The following SYT1 variants were observed in gnomAD, a reference collection of about 807,000 sequenced individuals.
The protein encoded by SYT1 is synaptotagmin 1, also known as synaptotagmin-1.
In SYT1, 8 loss-of-function variants were observed where a neutral mutation model predicts 44.8. The observed-to-expected ratio is 0.18, with a 90% CI of 0.10 to 0.32. The LOEUF (loss-of-function observed/expected upper bound fraction) is 0.32. SYT1 is among the 10% of genes least tolerant of loss of function. The pLI is 1.00. For synonymous variants in SYT1, 154 were observed against 188.8 expected (o/e 0.82, Z 1.51); for missense variants, 286 against 509.3 (o/e 0.56, Z 4.22).
intron 3 of SYT1, among the ~76,000 whole-genome samples, chr12:79,172,383 G>A (rs929760394): frequency 6.6e-6 from 1 of 151,924 alleles, no homozygotes; most frequent in African/African-American, 2.4e-5. Flanking sequence ...CATTTACTGG[G>A]ACACAGAGTA....
intron 2 of SYT1, among the ~76,000 whole-genome samples, chr12:78,990,188 C>A (rs1343237480): frequency 6.6e-6 from 1 of 152,120 alleles, no homozygotes; most frequent in Non-Finnish European, 1.5e-5. Flanking sequence ...CATTCACCAG[C>A]AGCCTCTGTG....
chr12:79,420,123 C>T (rs1869013040), intron 9 of SYT1, among the ~76,000 whole-genome samples: 1 of 152,098 alleles, frequency 6.6e-6, no homozygotes, highest in African/African-American at 2.4e-5. Flanking sequence ...GACAATACAA[C>T]ATAGCTCCTT....
In SYT1 at chr12:79,236,536, T is replaced by G. The variant is rs555567558; in HGVS notation, c.166+18851T>G. The stretch of plus-strand genomic sequence containing the variant: ...TCAAATGCTAGCTCTTCTATAAAGC[T>G]CCTGCTGAATACCAGTATTACTCAT... On this transcript the variant is annotated intron_variant, in intron 4 of 10. Coordinates refer to ENST00000261205, the MANE Select transcript of SYT1 (RefSeq NM_005639.3). Among the ~76,000 whole-genome samples, 21 of 152,328 alleles carry G rather than the reference T, an allele frequency of 1.4e-4. 1 individual carries two copies. The East Asian group carries it at 4.0e-3, about 29-fold the overall frequency.
intron 3 of SYT1, among the ~76,000 whole-genome samples, chr12:79,133,355 G>T (rs1868976468): frequency 6.6e-6 from 1 of 152,096 alleles, no homozygotes. Context: ...CTGCACTCCA[G>T]CCTGGGTGTC....
intron 9 of SYT1, among the ~76,000 whole-genome samples, chr12:79,365,138 C>A (rs1883487000): frequency 6.6e-6 from 1 of 152,052 alleles, no homozygotes; most frequent in Non-Finnish European, 1.5e-5. Flanking sequence ...TTTGAAATTT[C>A]ATATCCTTCC....
intron 2 of SYT1, among the ~76,000 whole-genome samples, chr12:79,007,185 G>A (rs1031712277): frequency 1.5e-4 from 23 of 151,990 alleles, no homozygotes; most frequent in Non-Finnish European, 8.8e-5. Context: ...TTATGTGAGG[G>A]GAAATTATAT....
intron 8 of SYT1, among the ~76,000 whole-genome samples, chr12:79,301,185 G>A (rs925164899): frequency 1.3e-5 from 2 of 152,146 alleles, no homozygotes; most frequent in Non-Finnish European, 2.9e-5. Flanking sequence ...TGGTTGGCTT[G>A]TTGGTTGAAT....
chr12:79,425,199 C>T (rs1869378317), intron 9 of SYT1, among the ~76,000 whole-genome samples: 1 of 152,084 alleles, frequency 6.6e-6, no homozygotes, highest in South Asian at 2.1e-4. Context: ...CTTCCACCCA[C>T]TGTCACTTCT....
chr12:79,144,453 G>T (rs531425363), intron 3 of SYT1, among the ~76,000 whole-genome samples: 7 of 152,294 alleles, frequency 4.6e-5, no homozygotes, highest in Admixed American at 2.0e-4. Context: ...GCCCACATTG[G>T]GATAAGGGAA....
chr12:79,350,086 G>T (rs1170207041), intron 8 of SYT1, among the ~76,000 whole-genome samples: 2 of 151,976 alleles, frequency 1.3e-5, no homozygotes. Context: ...ATCTGATTCA[G>T]GGTAACAACA....
At chr12:79,333,392 C>G (rs1881946024) in intron 8 of SYT1, among the ~76,000 whole-genome samples, 1 of 152,186 alleles carries the variant, frequency 6.6e-6, no homozygotes, top group Admixed American at 6.5e-5. Flanking sequence ...ATTGGCCTCA[C>G]CTCCTAATAC....
chr12:79,400,721 G>A (rs891122205), intron 9 of SYT1, among the ~76,000 whole-genome samples: 1 of 152,166 alleles, frequency 6.6e-6, no homozygotes, highest in Non-Finnish European at 1.5e-5. Flanking sequence ...TTAGACTGAG[G>A]GCACATTGCT....
At chr12:79,088,793 T>A (rs1176132969) in intron 3 of SYT1, among the ~76,000 whole-genome samples, 6 of 150,340 alleles carry the variant, frequency 4.0e-5, no homozygotes, top group Admixed American at 2.7e-4. Context: ...TGTGTGTGTG[T>A]GAGGGGGCAG....
At chr12:79,291,763 T>G (rs944043435) in intron 5 of SYT1, 4 of 592,908 alleles carry the variant, frequency 6.7e-6, no homozygotes, top group Admixed American at 6.4e-5. Flanking sequence ...CATTTTTTGC[T>G]TGCAATATTC....
intron 7 of SYT1, among the ~76,000 whole-genome samples, chr12:79,297,350 A>G (rs1192460943): frequency 6.6e-6 from 1 of 152,180 alleles, no homozygotes; most frequent in Non-Finnish European, 1.5e-5. Context: ...TAGTCAACAT[A>G]CTACGAAACG....
At chr12:79,008,125 C>A (rs1239787023) in intron 2 of SYT1, among the ~76,000 whole-genome samples, 2 of 151,880 alleles carry the variant, frequency 1.3e-5, no homozygotes, top group Non-Finnish European at 2.9e-5. Flanking sequence ...GTAGAAGGTC[C>A]ATTTGTATAG....
chr12:79,284,805 C>T (rs1220101604), intron 4 of SYT1, among the ~76,000 whole-genome samples: 1 of 150,042 alleles, frequency 6.7e-6, no homozygotes, highest in Admixed American at 6.7e-5. Context: ...TGCCACTACA[C>T]TCCAGCCTGG....
chr12:79,438,135 A>G (rs1870195462), intron 9 of SYT1, among the ~76,000 whole-genome samples: 2 of 152,196 alleles, frequency 1.3e-5, no homozygotes, highest in African/African-American at 4.8e-5. Flanking sequence ...GAAGTCATCA[A>G]ACCAACCAAG....
chr12:79,039,634 T>A (rs1353346959), intron 2 of SYT1, among the ~76,000 whole-genome samples: 1 of 151,536 alleles, frequency 6.6e-6, no homozygotes, highest in Non-Finnish European at 1.5e-5. Context: ...TTATTTTTTT[T>A]ATTATACTTT....
Sources: allele counts gnomAD v4.1 joint callset (sites outside exome capture counted in the v4.1 genomes callset), GRCh38; gene constraint gnomAD v4.1.1; transcripts MANE v1.5; gene names NCBI Gene and HGNC (gene_info 2026-07-23, HGNC 2026-07-21).